ANK2: variants seen among roughly 807,000 people sequenced by gnomAD.
The protein encoded by ANK2 is ankyrin 2.
In ANK2, 83 loss-of-function variants were observed where a neutral mutation model predicts 360.5. The observed-to-expected ratio is 0.23, with a 90% confidence interval of 0.19 to 0.28. ANK2 has a LOEUF of 0.28. Among genes scored for constraint, ANK2 ranks in the 10% least tolerant of loss-of-function variants. ANK2 has a pLI of 1.00. For synonymous variants in ANK2, 1,740 were observed against 1,759.5 expected, an observed-to-expected ratio of 0.99 and a Z score of 0.28; for missense variants, 4,201 against 4,795.7, an observed-to-expected ratio of 0.88 and a Z score of 3.66.
chr4:112,944,623 A>G (rs2094442067), intron 2 of ANK2, among the ~76,000 whole-genome samples: 1 of 152,072 alleles, frequency 6.6e-6, no homozygotes, highest in Non-Finnish European at 1.5e-5. Flanking sequence ...GTGGATATCT[A>G]GGGTTTGATG....
intron 2 of ANK2, chr4:112,980,123 CTCG>C (rs1423205083): frequency 3.3e-5 from 5 of 149,776 alleles, no homozygotes; most frequent in Non-Finnish European, 5.9e-5. Flanking sequence ...CTCTTCCACA[CTCG>C]TCAGTGCCCA....
Position 113,072,770 on chromosome 4 carries a change from T to C in ANK2, c.84+22958T>C, listed in dbSNP as rs574871136. Reference sequence around the variant, plus strand: ...TTTTTTTTTTTTTTTTTTTTTGCTGTCTTGTCTCTCCAGCAAGTGTTTAAT... The same window carrying C: ...TTTTTTTTTTTTTTTTTTTTTGCTGCCTTGTCTCTCCAGCAAGTGTTTAAT... On this transcript the variant is annotated intron_variant, in intron 1 of 45. Transcript: ENST00000357077. Among the ~76,000 whole-genome samples the C allele has an allele frequency of 3.3e-3, 391 of 118,762 alleles. 4 individuals carry two copies. Among genetic ancestry groups the C allele is most frequent in the African/African-American group, 0.01 (378 of 37,240 alleles). 77.9% of individuals were successfully genotyped at this position (118,762 alleles called of 152,430 possible).
intron 1 of ANK2, among the ~76,000 whole-genome samples, chr4:113,132,114 T>C (rs2096074895): frequency 6.6e-6 from 1 of 152,184 alleles, no homozygotes; most frequent in Admixed American, 6.6e-5. Context: ...TCAGACCATA[T>C]GGTGTAATGC....
At position 113,282,612 on chromosome 4, in the gene ANK2, T is replaced by A. The variant is rs2062837523; in HGVS notation, c.1882-63T>A. The A allele has an allele frequency of 5.7e-6, 8 of 1,395,528 alleles. No homozygotes were observed. The Admixed American group carries it at 1.6e-4, about 27-fold the overall frequency. 86.4% of individuals were successfully genotyped at this position (1,395,528 alleles called of 1,614,324 possible). A position where few individuals can be genotyped will look rare whatever the true frequency, so the allele number is the denominator to read the frequency against. On this transcript the variant is annotated intron_variant, in intron 17 of 45. Coordinates refer to ENST00000357077, the MANE Select transcript of ANK2 (RefSeq NM_001148.6). Reference sequence around the variant, plus strand: ...TAGAGATTTTTATTTCCTTTAGAGATACGTATTAGAGCAATTGTTAATCTT... The same window carrying A: ...TAGAGATTTTTATTTCCTTTAGAGAAACGTATTAGAGCAATTGTTAATCTT...
intron 2 of ANK2, among the ~76,000 whole-genome samples, chr4:113,184,698 A>G (rs538055636): frequency 6.6e-6 from 1 of 151,798 alleles, no homozygotes; most frequent in South Asian, 2.1e-4. Flanking sequence ...ATGGCTGATC[A>G]TTAATTCTTT....
the ANK2 span, among the ~76,000 whole-genome samples, chr4:112,743,549 C>CT: frequency 7.8e-6 from 1 of 128,706 alleles, no homozygotes; most frequent in African/African-American, 3.0e-5. Flanking sequence ...TCTCTCTTTT[C>CT]TATCCTTTTT....
chr4:112,877,523 C>G (rs1370488270), intron 1 of ANK2, among the ~76,000 whole-genome samples: 1 of 152,170 alleles, frequency 6.6e-6, no homozygotes, highest in East Asian at 1.9e-4. Context: ...CCCCTTATCT[C>G]TCTTTTCTTG....
rs76403594 is a variant in ANK2, at chr4:113,252,022, G to A, written c.990+2160G>A. Among the ~76,000 whole-genome samples, 227 of 152,222 alleles carry A rather than the reference G, an allele frequency of 1.5e-3. 1 individual carries two copies. The highest frequency in any genetic ancestry group is 5.2e-3 in the African/African-American group (217 of 41,530). On this transcript the variant is annotated intron_variant, in intron 10 of 45. Coordinates refer to ENST00000357077, the MANE Select transcript of ANK2 (RefSeq NM_001148.6). ...CTACTGATAAAGACATACTTGAGAT[G>A]AGACTGGGCAATTTACAAAGAAGTT... is the stretch of plus-strand genomic sequence containing the variant.
At chr4:113,073,941 C>A (rs2078842828) in intron 1 of ANK2, among the ~76,000 whole-genome samples, 1 of 152,142 alleles carries the variant, frequency 6.6e-6, no homozygotes, top group Non-Finnish European at 1.5e-5. Context: ...TTTTAATATC[C>A]ATTCAACTTG....
At position 113,254,764 on chromosome 4, in the gene ANK2, T is replaced by C. The variant is rs2048383579; in HGVS notation, c.991-971T>C. 4.6e-5 allele frequency among the ~76,000 whole-genome samples: 7 copies of C among 152,226 alleles called. 1 individual carries two copies. Among genetic ancestry groups the C allele is most frequent in the Admixed American group, 4.6e-4 (7 of 15,280 alleles). On this transcript the variant is annotated intron_variant, in intron 10 of 45. Transcript: ENST00000357077. ...GTTGAGAATATTGGGCGGGGGGCCT[T>C]TTCTGGTAAAATATCCAGATACAAT...
At chr4:113,194,783 C>A (rs1469028104) in intron 2 of ANK2, among the ~76,000 whole-genome samples, 1 of 151,944 alleles carries the variant, frequency 6.6e-6, no homozygotes, top group Non-Finnish European at 1.5e-5. Flanking sequence ...CTGATTGTTT[C>A]AAAAAACTAA....
chr4:113,250,997 G>A (rs1415478511), intron 10 of ANK2, among the ~76,000 whole-genome samples: 2 of 151,904 alleles, frequency 1.3e-5, no homozygotes, highest in Non-Finnish European at 2.9e-5. Flanking sequence ...AATTATCCGC[G>A]TTACTTTTAT....
chr4:112,744,526 T>G, the ANK2 span, among the ~76,000 whole-genome samples: 1 of 151,912 alleles, frequency 6.6e-6, no homozygotes. Flanking sequence ...TTTTTTGCAT[T>G]TTTAGTAAAG....
the ANK2 span, among the ~76,000 whole-genome samples, chr4:112,761,651 A>T: frequency 7.1e-6 from 1 of 140,210 alleles, no homozygotes; most frequent in African/African-American, 2.6e-5. Flanking sequence ...AATAAAATAA[A>T]AATAAAGTTC....
At chr4:113,008,620 A>C (rs2053694068) in intron 2 of ANK2, among the ~76,000 whole-genome samples, 1 of 152,086 alleles carries the variant, frequency 6.6e-6, no homozygotes, top group South Asian at 2.1e-4. Flanking sequence ...TTAAAAAGTG[A>C]GATGATTCTT....
chr4:113,061,174 C>T (rs2073156034), intron 1 of ANK2, among the ~76,000 whole-genome samples: 1 of 152,046 alleles, frequency 6.6e-6, no homozygotes, highest in Non-Finnish European at 1.5e-5. Flanking sequence ...GGTACCTCTT[C>T]CAGATGACCC....
rs1313462953 is a variant in ANK2, at chr4:112,957,855, A to G, written c.21+53341A>G. ...TTCTCAGACGGGGCGGTTGCCAGGC[A>G]GAGGGTCTCCTCACTTCTCAGACGG... On this transcript the variant is annotated intron_variant, in intron 2 of 30. Coordinates refer to the ANK2 transcript ENST00000503271. Among the ~76,000 whole-genome samples the G allele has an allele frequency of 4.8e-5, 7 of 145,724 alleles. No individual in the cohort carries two copies. In the South Asian group the frequency reaches 1.5e-3, roughly 32 times the overall value.
At chr4:112,855,061 G>A (rs1194848758) in intron 1 of ANK2, among the ~76,000 whole-genome samples, 12 of 152,104 alleles carry the variant, frequency 7.9e-5, no homozygotes, top group Non-Finnish European at 1.0e-4. Flanking sequence ...TCTTTCTCTC[G>A]ATGTAGACCT....
the ANK2 span, among the ~76,000 whole-genome samples, chr4:112,724,361 G>A: frequency 2.0e-5 from 3 of 152,044 alleles, no homozygotes; most frequent in East Asian, 1.9e-4. Context: ...CACCATGCCC[G>A]GCCAGAAAAA....
Sources: allele counts gnomAD v4.1 joint callset (sites outside exome capture counted in the v4.1 genomes callset), GRCh38; gene constraint gnomAD v4.1.1; transcripts MANE v1.5; gene names NCBI Gene and HGNC (gene_info 2026-07-23, HGNC 2026-07-21).